The following PRKCA variants were observed in gnomAD, a reference collection of about 807,000 sequenced individuals.
PRKCA encodes protein kinase C alpha type.
In PRKCA, 27 loss-of-function variants were observed where a neutral mutation model predicts 87.0. That is an observed-to-expected ratio of 0.31 (90% CI 0.23 to 0.43). The LOEUF (loss-of-function observed/expected upper bound fraction) is 0.43. Ranked by LOEUF, PRKCA falls within the 20% of genes least tolerant of loss-of-function variation. The pLI is 1.00. For synonymous variants in PRKCA, 329 were observed against 311.1 expected (o/e 1.06, Z -0.61); for missense variants, 518 against 852.3 (o/e 0.61, Z 4.88).
chr17:66,375,181 G>A (rs1258169792), intron 2 of PRKCA, among the ~76,000 whole-genome samples: 2 of 152,188 alleles, frequency 1.3e-5, no homozygotes, highest in African/African-American at 4.8e-5. Flanking sequence ...GGAGGATTAA[G>A]CGTCGAGGGA....
intron 2 of PRKCA, among the ~76,000 whole-genome samples, chr17:66,388,824 G>T (rs1345449728): frequency 1.3e-5 from 2 of 152,130 alleles, no homozygotes; most frequent in Non-Finnish European, 2.9e-5. Context: ...TCACAGAGTT[G>T]GAGACAGTGT....
intron 5 of PRKCA, among the ~76,000 whole-genome samples, chr17:66,658,158 C>T (rs947101705): frequency 2.6e-5 from 4 of 152,006 alleles, no homozygotes; most frequent in Non-Finnish European, 4.4e-5. Context: ...GAATGAGAGC[C>T]CAGTAAAGGG....
chr17:66,451,924 A>G (rs372737340), intron 2 of PRKCA, among the ~76,000 whole-genome samples: 6 of 152,318 alleles, frequency 3.9e-5, no homozygotes, highest in African/African-American at 1.4e-4. Context: ...GGCAAATCCC[A>G]TTTTGATTCT....
intron 3 of PRKCA, among the ~76,000 whole-genome samples, chr17:66,610,704 C>T (rs972468704): frequency 1.3e-5 from 2 of 152,114 alleles, no homozygotes; most frequent in Non-Finnish European, 2.9e-5. Context: ...AAGAGCACAC[C>T]GAACAAGGGA....
chr17:66,417,946 C>T (rs1831637110), intron 2 of PRKCA, among the ~76,000 whole-genome samples: 1 of 152,204 alleles, frequency 6.6e-6, no homozygotes, highest in Admixed American at 6.5e-5. Context: ...GAATACAAAA[C>T]ACAAATCTGC....
chr17:66,557,279 G>A (rs1258011253), intron 3 of PRKCA, among the ~76,000 whole-genome samples: 1 of 152,108 alleles, frequency 6.6e-6, no homozygotes. Flanking sequence ...TCTCTGTGAA[G>A]CAAGTTGCAC....
chr17:66,720,666 A>G (rs765557715), intron 8 of PRKCA, among the ~76,000 whole-genome samples: 89 of 152,232 alleles, frequency 5.8e-4, no homozygotes, highest in African/African-American at 2.0e-3. Context: ...TGGAATAGCA[A>G]TGAATCACCA....
intron 13 of PRKCA, among the ~76,000 whole-genome samples, chr17:66,746,950 G>A (rs183979981): frequency 1.6e-4 from 24 of 152,234 alleles, no homozygotes; most frequent in African/African-American, 1.9e-4. Flanking sequence ...CTAGCATTGC[G>A]CACTCTTGCC....
rs1568035516 is a variant in PRKCA, at chr17:66,788,995, C to T, written c.1854+16C>T. Reference sequence around the variant, plus strand: ...GCCCAAAGTGGTGAGTCCAGAAAAGCAGCCTGTTTTCGGAACCCCATGTCC... The same window carrying T: ...GCCCAAAGTGGTGAGTCCAGAAAAGTAGCCTGTTTTCGGAACCCCATGTCC... On this transcript the variant is annotated intron_variant, in intron 16 of 16. Transcript: ENST00000413366. The T allele has an allele frequency of 6.2e-7, 1 of 1,613,776 alleles. No homozygotes were observed. The highest frequency in any genetic ancestry group is 8.5e-7 in the Non-Finnish European group (1 of 1,179,904).
In PRKCA at chr17:66,640,077, T is replaced by G. The variant is rs186503163; in HGVS notation, c.289-1278T>G. ...GCGCTTATCTGCACTACCTGCGTGGTACCTACCTACCCTGTGATACGGCAC... is the reference window on the plus strand; with the variant it reads ...GCGCTTATCTGCACTACCTGCGTGGGACCTACCTACCCTGTGATACGGCAC... On this transcript the variant is annotated intron_variant, in intron 3 of 16. Transcript: ENST00000413366. Among the ~76,000 whole-genome samples the G allele has an allele frequency of 1.6e-3, 236 of 152,248 alleles. 1 individual carries two copies. The highest frequency in any genetic ancestry group is 2.7e-3 in the Non-Finnish European group (182 of 68,000).
intron 2 of PRKCA, among the ~76,000 whole-genome samples, chr17:66,319,943 C>T (rs1905553428): frequency 6.6e-6 from 1 of 152,076 alleles, no homozygotes; most frequent in Non-Finnish European, 1.5e-5. Flanking sequence ...AGGGTTTCGC[C>T]ATGTTGGCCA....
At chr17:66,356,854 A>G (rs1308559705) in intron 2 of PRKCA, among the ~76,000 whole-genome samples, 1 of 152,174 alleles carries the variant, frequency 6.6e-6, no homozygotes, top group Non-Finnish European at 1.5e-5. Context: ...TCTTGGGCTC[A>G]GGTGATTCTC....
At chr17:66,488,678 G>A (rs925570403) in intron 2 of PRKCA, among the ~76,000 whole-genome samples, 9 of 152,204 alleles carry the variant, frequency 5.9e-5, no homozygotes, top group African/African-American at 1.9e-4. Flanking sequence ...CCTAAAGAAG[G>A]GGGAAAGAGG....
At chr17:66,403,569 AC>A (rs1463985686) in intron 2 of PRKCA, 1 of 152,190 alleles carries the variant, frequency 6.6e-6, no homozygotes, top group East Asian at 1.9e-4. Flanking sequence ...TTTACTTAAA[AC>A]CCATTAAAGC....
intron 3 of PRKCA, among the ~76,000 whole-genome samples, chr17:66,524,338 A>G (rs1318976816): frequency 6.6e-6 from 1 of 152,256 alleles, no homozygotes; most frequent in Non-Finnish European, 1.5e-5. Flanking sequence ...ACATTGGAAC[A>G]ATATAGGAAG....
At chr17:66,427,034 A>AT (rs926828635) in intron 2 of PRKCA, among the ~76,000 whole-genome samples, 4 of 150,838 alleles carry the variant, frequency 2.7e-5, no homozygotes, top group African/African-American at 7.3e-5. Flanking sequence ...TTAAAAAAAA[A>AT]TTTTTTTTTT....
intron 3 of PRKCA, among the ~76,000 whole-genome samples, chr17:66,552,893 C>A (rs1463639865): frequency 1.3e-5 from 2 of 152,212 alleles, no homozygotes; most frequent in African/African-American, 4.8e-5. Context: ...TTTTAAGAGC[C>A]TACCAGTTTT....
intron 2 of PRKCA, among the ~76,000 whole-genome samples, chr17:66,358,969 T>C (rs1395118063): frequency 6.6e-6 from 1 of 152,090 alleles, no homozygotes; most frequent in Admixed American, 6.6e-5. Context: ...TCCTGGTGAA[T>C]AATGAAATCA....
chr17:66,311,486 C>T (rs764765569), intron 2 of PRKCA, among the ~76,000 whole-genome samples: 1 of 152,078 alleles, frequency 6.6e-6, no homozygotes, highest in Non-Finnish European at 1.5e-5. Flanking sequence ...CATGGTGGTG[C>T]AGCACCCGTG....
Sources: gnomAD v4.1 joint callset for allele counts (sites outside exome capture counted in the v4.1 genomes callset) on GRCh38, gnomAD v4.1.1 for gene constraint, MANE v1.5 for transcripts, NCBI Gene and HGNC (gene_info 2026-07-23, HGNC 2026-07-21) for gene names.